Variants in CTNNA3 observed in about 807,000 individuals in gnomAD.
CTNNA3 encodes the protein catenin alpha 3.
CTNNA3 carries 76 observed loss-of-function variants against 95.7 expected under a neutral mutation model. The observed-to-expected ratio is 0.79, with a 90% CI of 0.66 to 0.96. The LOEUF (loss-of-function observed/expected upper bound fraction) is 0.96. Among genes scored for constraint, CTNNA3 ranks in the 40% least tolerant of loss-of-function variants. CTNNA3 has a pLI of 0.00. For synonymous variants in CTNNA3, 431 were observed against 374.4 expected (o/e 1.15, Z -1.74); for missense variants, 1,191 against 1,089.8 (o/e 1.09, Z -1.31).
At chr10:66,171,633 T>C (rs189387290) in intron 13 of CTNNA3, among the ~76,000 whole-genome samples, 128 of 152,258 alleles carry the variant, frequency 8.4e-4, no homozygotes, top group African/African-American at 3.0e-3. Flanking sequence ...TATGATGTCC[T>C]GCTTGGCAAA....
chr10:67,558,680 C>T (rs1019362233), intron 3 of CTNNA3, among the ~76,000 whole-genome samples: 10 of 152,238 alleles, frequency 6.6e-5, no homozygotes, highest in Admixed American at 6.5e-4. Context: ...CAAAGCAGGG[C>T]AAGCATTGCC....
chr10:67,359,711 G>A (rs1000867454), intron 5 of CTNNA3, among the ~76,000 whole-genome samples: 3 of 152,136 alleles, frequency 2.0e-5, no homozygotes, highest in Non-Finnish European at 2.9e-5. Flanking sequence ...ATGGGATTAT[G>A]TAGAGACCAA....
chr10:66,200,818 G>T (rs1330285976), intron 13 of CTNNA3, among the ~76,000 whole-genome samples: 3 of 152,126 alleles, frequency 2.0e-5, no homozygotes, highest in African/African-American at 4.8e-5. Context: ...GCAATATTTT[G>T]CTATAAGGCA....
intron 6 of CTNNA3, among the ~76,000 whole-genome samples, chr10:67,213,425 C>T (rs1310123171): frequency 6.6e-6 from 1 of 151,594 alleles, no homozygotes; most frequent in East Asian, 1.9e-4. Flanking sequence ...AACTTCTCTA[C>T]TGTATCTTTG....
intron 5 of CTNNA3, among the ~76,000 whole-genome samples, chr10:67,349,946 C>T (rs1039992230): frequency 2.6e-5 from 4 of 152,050 alleles, no homozygotes; most frequent in Non-Finnish European, 5.9e-5. Context: ...TATCAGGGCA[C>T]TCAGTATATC....
chr10:67,036,331 G>A (rs948470726), intron 7 of CTNNA3, among the ~76,000 whole-genome samples: 6 of 150,768 alleles, frequency 4.0e-5, no homozygotes, highest in East Asian at 3.9e-4. Context: ...GTGCAGTGGC[G>A]CGATCTCGGC....
intron 9 of CTNNA3, among the ~76,000 whole-genome samples, chr10:66,683,590 C>T (rs374782012): frequency 2.0e-5 from 3 of 152,038 alleles, no homozygotes; most frequent in Non-Finnish European, 2.9e-5. Flanking sequence ...GTTTGACAGG[C>T]AAAAATACTT....
At chr10:66,164,688 A>G (rs2085032907) in intron 13 of CTNNA3, among the ~76,000 whole-genome samples, 1 of 152,218 alleles carries the variant, frequency 6.6e-6, no homozygotes, top group Non-Finnish European at 1.5e-5. Context: ...TTGACACAAT[A>G]CATAAAAATA....
At chr10:67,519,706 G>A (rs1431059783) in intron 5 of CTNNA3, among the ~76,000 whole-genome samples, 4 of 152,036 alleles carry the variant, frequency 2.6e-5, no homozygotes, top group Middle Eastern at 3.2e-3. Context: ...GTCCCAGTGC[G>A]GAATGATAAA....
intron 9 of CTNNA3, among the ~76,000 whole-genome samples, chr10:66,627,642 G>C (rs921150091): frequency 5.9e-5 from 9 of 151,952 alleles, no homozygotes; most frequent in African/African-American, 1.9e-4. Context: ...AATTATTTCT[G>C]TGAAAGGCAA....
chr10:67,494,396 A>G (rs140091186), intron 5 of CTNNA3, among the ~76,000 whole-genome samples: 1 of 152,360 alleles, frequency 6.6e-6, no homozygotes, highest in Admixed American at 6.5e-5. Context: ...AAATAATTCA[A>G]TTAATTTCAA....
At chr10:66,463,876 T>A (rs34010917) in intron 11 of CTNNA3, among the ~76,000 whole-genome samples, 1 of 150,364 alleles carries the variant, frequency 6.7e-6, no homozygotes, top group South Asian at 2.1e-4. Flanking sequence ...GAGGGAGCAG[T>A]CACTTTCCAA....
chr10:66,789,280 G>T (rs1840874334), intron 7 of CTNNA3, among the ~76,000 whole-genome samples: 1 of 151,948 alleles, frequency 6.6e-6, no homozygotes, highest in African/African-American at 2.4e-5. Flanking sequence ...GGGTTCAAGT[G>T]CTTCTCCTGA....
At position 66,741,296 on chromosome 10, in the gene CTNNA3, G is replaced by T. The variant is rs578202153; in HGVS notation, c.1281+24968C>A. Among the ~76,000 whole-genome samples the T allele has an allele frequency of 2.4e-4, 36 of 152,190 alleles. No homozygotes were observed. In the South Asian group the frequency reaches 7.0e-3, roughly 30 times the overall value. On this transcript the variant is annotated intron_variant, in intron 9 of 17. Transcript: ENST00000433211. ...GAGATGATACAAGCAAATTCCCAAG[G>T]CCAGGAAAACACAGATGTATCATTG... is the stretch of plus-strand genomic sequence containing the variant.
chr10:66,524,265 G>T (rs1185676814), intron 10 of CTNNA3, among the ~76,000 whole-genome samples: 1 of 39,410 alleles, frequency 2.5e-5, no homozygotes, highest in African/African-American at 7.4e-5. Context: ...GTCTATTCCT[G>T]GGTAATGAGC....
intron 7 of CTNNA3, among the ~76,000 whole-genome samples, chr10:66,800,018 G>T (rs545839127): frequency 6.6e-6 from 1 of 151,120 alleles, no homozygotes; most frequent in Non-Finnish European, 1.5e-5. Flanking sequence ...TAAGATAAAA[G>T]TTCAGAGAAT....
chr10:66,334,500 T>G (rs1046994242), intron 12 of CTNNA3, among the ~76,000 whole-genome samples: 1 of 151,892 alleles, frequency 6.6e-6, no homozygotes, highest in African/African-American at 2.4e-5. Context: ...GAAGCTTAGT[T>G]TGGCTGGATG....
intron 9 of CTNNA3, among the ~76,000 whole-genome samples, chr10:66,718,298 C>T (rs1848517944): frequency 6.6e-6 from 1 of 151,946 alleles, no homozygotes; most frequent in South Asian, 2.1e-4. Flanking sequence ...TAATGAGTTC[C>T]CCCGGCATCA....
At chr10:66,682,278 T>C (rs1057283901) in intron 9 of CTNNA3, among the ~76,000 whole-genome samples, 1 of 152,172 alleles carries the variant, frequency 6.6e-6, no homozygotes, top group African/African-American at 2.4e-5. Context: ...TAGTATTTCT[T>C]GAGCTTTCCC....
Sources: gnomAD v4.1 joint callset for allele counts (sites outside exome capture counted in the v4.1 genomes callset) on GRCh38, gnomAD v4.1.1 for gene constraint, MANE v1.5 for transcripts, NCBI Gene and HGNC (gene_info 2026-07-23, HGNC 2026-07-21) for gene names.